Variants in SLIT3 observed in about 807,000 individuals in gnomAD.
SLIT3 encodes the protein slit guidance ligand 3, also known as slit homolog 3 protein.
A neutral mutation model predicts 184.0 loss-of-function variants in SLIT3; 68 were observed. That is an observed-to-expected ratio of 0.37 (90% CI 0.30 to 0.45). The LOEUF (loss-of-function observed/expected upper bound fraction) is 0.45, where lower values mean the gene tolerates loss of function less well. Among genes scored for constraint, SLIT3 ranks in the 20% least tolerant of loss-of-function variants. The pLI is 1.00. For synonymous variants in SLIT3, 831 were observed against 828.6 expected (o/e 1.00, Z -0.05); for missense variants, 1,707 against 2,026.0 (o/e 0.84, Z 3.02).
intron 4 of SLIT3, among the ~76,000 whole-genome samples, chr5:169,142,080 A>AAAT (rs1761766527): frequency 2.3e-5 from 1 of 42,768 alleles, no homozygotes; most frequent in Non-Finnish European, 4.1e-5. Flanking sequence ...AATAAAAATA[A>AAAT]AAATAAATAA....
chr5:168,842,041 T>A (rs1561962313), intron 6 of SLIT3, among the ~76,000 whole-genome samples: 1 of 152,220 alleles, frequency 6.6e-6, no homozygotes, highest in Non-Finnish European at 1.5e-5. Flanking sequence ...ATTGTCAGGA[T>A]TCTTTATGGA....
intron 7 of SLIT3, among the ~76,000 whole-genome samples, chr5:168,821,353 G>A (rs185456271): frequency 2.6e-5 from 4 of 152,306 alleles, no homozygotes; most frequent in South Asian, 2.1e-4. Flanking sequence ...GGAGCTGGAC[G>A]GCTGATTCCT....
intron 5 of SLIT3, among the ~76,000 whole-genome samples, chr5:168,881,845 T>C (rs927282311): frequency 1.3e-5 from 2 of 152,230 alleles, no homozygotes. Context: ...AGCCTACACC[T>C]GTCCTGCAAA....
intron 4 of SLIT3, among the ~76,000 whole-genome samples, chr5:168,970,509 A>AC (rs988647551): frequency 7.2e-5 from 11 of 151,790 alleles, no homozygotes; most frequent in East Asian, 5.8e-4. Context: ...TAAAAAAAAA[A>AC]AAAAAACAAA....
chr5:168,712,504 G>A (rs944238126), intron 23 of SLIT3, 150 bp from the exon 24 acceptor site: 2 of 667,992 alleles, frequency 3.0e-6, no homozygotes, highest in Admixed American at 4.6e-5. Flanking sequence ...TTTGCTCTGG[G>A]TGCATGAATG....
At chr5:168,711,130 G>A in intron 24 of SLIT3, 72 bp from the exon 25 acceptor site, 2 of 1,360,212 alleles carry the variant, frequency 1.5e-6, no homozygotes, top group Non-Finnish European at 2.0e-6. Flanking sequence ...TTGGCTCTCT[G>A]GAAATGCATT....
chr5:169,015,935 C>A (rs1756347358), intron 4 of SLIT3, among the ~76,000 whole-genome samples: 1 of 35,854 alleles, frequency 2.8e-5, no homozygotes, highest in Admixed American at 3.4e-4. Flanking sequence ...AATATAAACA[C>A]ACACACACAC....
chr5:168,954,048 A>G (rs141623706), intron 4 of SLIT3, among the ~76,000 whole-genome samples: 11 of 152,258 alleles, frequency 7.2e-5, no homozygotes, highest in Non-Finnish European at 1.5e-4. Flanking sequence ...CTGGGGGGAA[A>G]CAAGTGTCAC....
At chr5:169,120,731 G>A (rs1760844856) in intron 4 of SLIT3, among the ~76,000 whole-genome samples, 1 of 152,160 alleles carries the variant, frequency 6.6e-6, no homozygotes, top group Non-Finnish European at 1.5e-5. Context: ...TGCCCACCTT[G>A]AGAGCTGCAT....
chr5:169,265,924 T>C (rs1239725748), intron 1 of SLIT3, among the ~76,000 whole-genome samples: 1 of 152,188 alleles, frequency 6.6e-6, no homozygotes, highest in Non-Finnish European at 1.5e-5. Flanking sequence ...TTCAGGCACA[T>C]CAAAGCATCT....
At chr5:168,777,105 ACC>A (rs66712485) in intron 12 of SLIT3, among the ~76,000 whole-genome samples, 895 of 4,966 alleles carry the variant, frequency 0.18, 9 homozygotes, top group African/African-American at 0.35. Context: ...ACACACACAC[ACC>A]CCCCATACCA....
chr5:168,671,295 G>A lies in SLIT3; in HGVS notation c.4030C>T (p.Arg1344Cys), dbSNP rs776241334. 2.5e-6 allele frequency: 4 copies of A among 1,613,886 alleles called. No individual in the cohort carries two copies. The highest frequency in any genetic ancestry group is 2.2e-5 in the East Asian group (1 of 44,876). ...SCTVCKHGLC[R>C]SVEKDSVVCE... ...ACCACGCTGTCCTTCTCCACGGAGC[G>A]GCACAGGCCGTGCTTGCACACGGTG... The change falls in exon 34 of 36, where the codon CGC (arginine) becomes TGC (cysteine). Residue 1344 changes from arginine to cysteine, a missense_variant. Physicochemically the swap from Arg to Cys is radical, Grantham distance 180. Transcript: ENST00000519560.
chr5:169,192,423 C>CTCTGTGTGTGTG lies in SLIT3; in HGVS notation c.413+1055_413+1056insCACACACACAGA, dbSNP rs1044234461. ...TAAAATAAATTTATGTATATAGTCTCTGTGTGTGTGTGTGTGTGTGTGTGT... is the reference window on the plus strand; with the variant it reads ...TAAAATAAATTTATGTATATAGTCTCTCTGTGTGTGTGTGTGTGTGTGTGTGTGTGTGTGTGT... On this transcript the variant is annotated intron_variant, in intron 4 of 35. Transcript: ENST00000519560. 6.7e-5 allele frequency among the ~76,000 whole-genome samples: 10 copies of CTCTGTGTGTGTG among 148,278 alleles called. No individual in the cohort carries two copies. In the East Asian group the frequency reaches 2.0e-3, roughly 29 times the overall value.
intron 4 of SLIT3, among the ~76,000 whole-genome samples, chr5:168,965,712 C>T (rs1426328044): frequency 2.0e-5 from 3 of 152,234 alleles, no homozygotes; most frequent in East Asian, 1.9e-4. Context: ...TCAGCAATGA[C>T]ACCTAAAAGT....
intron 20 of SLIT3, among the ~76,000 whole-genome samples, chr5:168,733,131 G>C (rs1012096784): frequency 6.6e-6 from 1 of 151,366 alleles, no homozygotes; most frequent in Admixed American, 6.6e-5. Context: ...AGCGGGCAAA[G>C]GATATGAATA....
chr5:168,827,759 T>G lies in SLIT3; in HGVS notation c.558-4428A>C, dbSNP rs1470746974. 3.3e-5 allele frequency among the ~76,000 whole-genome samples: 5 copies of G among 152,198 alleles called. No homozygotes were observed. The East Asian group carries it at 7.7e-4, about 23-fold the overall frequency. ...CAGGACAAGGGCTCCCCAGGCGGGA[T>G]GAATACATGAAGATTCACATAATGG... On this transcript the variant is annotated intron_variant, in intron 6 of 35. Coordinates refer to ENST00000519560, the MANE Select transcript of SLIT3 (RefSeq NM_003062.4).
At chr5:169,001,469 C>T (rs891655962) in intron 4 of SLIT3, among the ~76,000 whole-genome samples, 2 of 152,006 alleles carry the variant, frequency 1.3e-5, no homozygotes, top group African/African-American at 4.8e-5. Flanking sequence ...GGCACATAGG[C>T]GGGTCACGTC....
intron 4 of SLIT3, among the ~76,000 whole-genome samples, chr5:169,172,445 T>C (rs1209822673): frequency 6.6e-6 from 1 of 152,240 alleles, no homozygotes; most frequent in Non-Finnish European, 1.5e-5. Context: ...TAGCTGCGTA[T>C]ATACTTTCAC....
chr5:168,974,797 G>T (rs1378747706), intron 4 of SLIT3, among the ~76,000 whole-genome samples: 3 of 152,194 alleles, frequency 2.0e-5, no homozygotes, highest in Non-Finnish European at 4.4e-5. Flanking sequence ...AAAATACCCT[G>T]ACTGTCTAAC....
Sources: allele counts gnomAD v4.1 joint callset (sites outside exome capture counted in the v4.1 genomes callset), GRCh38; gene constraint gnomAD v4.1.1; transcripts MANE v1.5; gene names NCBI Gene and HGNC (gene_info 2026-07-23, HGNC 2026-07-21).